The following CNBD1 variants were observed in gnomAD, a reference collection of about 807,000 sequenced individuals.
CNBD1 encodes cyclic nucleotide-binding domain-containing protein 1.
In CNBD1, 71 loss-of-function variants were observed where a neutral mutation model predicts 54.4. That is an observed-to-expected ratio of 1.30 (90% confidence interval 1.08 to 1.59). The LOEUF (loss-of-function observed/expected upper bound fraction) is 1.59. CNBD1 is among the 40% of genes most tolerant of loss of function. The pLI, the probability that CNBD1 is intolerant of heterozygous loss-of-function variation, is 0.00. For missense variants in CNBD1, 659 were observed against 518.0 expected, an observed-to-expected ratio of 1.27 and a Z score of -2.64; for synonymous variants, 182 against 170.7, an observed-to-expected ratio of 1.07 and a Z score of -0.51.
In CNBD1 at chr8:87,092,350, T is replaced by C. The variant is rs569326303; in HGVS notation, c.432-113643T>C. 2.0e-5 allele frequency among the ~76,000 whole-genome samples: 3 copies of C among 151,094 alleles called. No individual in the cohort carries two copies. The East Asian group carries it at 5.8e-4, about 29-fold the overall frequency. ...GATTCCATAATACTGGCTCAGTGTG[T>C]GTGTGTGTGTGTGTGTGTATGTATG... is the stretch of plus-strand genomic sequence containing the variant. On this transcript the variant is annotated intron_variant, in intron 4 of 10. Transcript: ENST00000518476.
intron 2 of CNBD1, among the ~76,000 whole-genome samples, chr8:87,425,922 C>G: frequency 1.3e-5 from 2 of 152,090 alleles, no homozygotes; most frequent in Non-Finnish European, 2.9e-5. Context: ...CCCAGCCTCA[C>G]TGCTGCCTTG....
intron 4 of CNBD1, among the ~76,000 whole-genome samples, chr8:87,176,584 A>G (rs1813202242): frequency 6.6e-6 from 1 of 150,610 alleles, no homozygotes; most frequent in Admixed American, 6.6e-5. Flanking sequence ...TCCCGGGTTC[A>G]AGCAATTCTG....
chr8:86,936,523 G>A (rs1376909292), intron 3 of CNBD1, among the ~76,000 whole-genome samples: 2 of 152,058 alleles, frequency 1.3e-5, no homozygotes, highest in Non-Finnish European at 2.9e-5. Flanking sequence ...GGTGGATCAC[G>A]AGGTCAGGAG....
chr8:86,984,171 G>C (rs1398236794), intron 4 of CNBD1, among the ~76,000 whole-genome samples: 1 of 152,168 alleles, frequency 6.6e-6, no homozygotes, highest in Middle Eastern at 3.2e-3. Flanking sequence ...TGGCTTCAGA[G>C]GGTAAAAGCC....
chr8:86,871,563 C>T (rs981722196), intron 1 of CNBD1, among the ~76,000 whole-genome samples: 1 of 152,208 alleles, frequency 6.6e-6, no homozygotes, highest in Non-Finnish European at 1.5e-5. Context: ...TAAAATCTGT[C>T]TCTTGTGTTC....
chr8:87,141,767 A>G (rs1812374805), intron 4 of CNBD1, among the ~76,000 whole-genome samples: 1 of 152,098 alleles, frequency 6.6e-6, no homozygotes, highest in Non-Finnish European at 1.5e-5. Flanking sequence ...CTATAGGAGC[A>G]CTCATAAAAG....
At chr8:87,053,509 C>T (rs767751984) in intron 4 of CNBD1, among the ~76,000 whole-genome samples, 7 of 152,266 alleles carry the variant, frequency 4.6e-5, no homozygotes, top group East Asian at 1.9e-4. Flanking sequence ...TGGAGTGACC[C>T]AGCATGGAGA....
chr8:87,366,539 C>G (rs534010868), intron 10 of CNBD1, among the ~76,000 whole-genome samples: 1 of 152,066 alleles, frequency 6.6e-6, no homozygotes, highest in African/African-American at 2.4e-5. Flanking sequence ...CTAGGCCCAC[C>G]CAGATAACCT....
intron 8 of CNBD1, among the ~76,000 whole-genome samples, chr8:87,337,793 G>C (rs1809978691): frequency 1.3e-5 from 2 of 152,302 alleles, no homozygotes; most frequent in East Asian, 3.9e-4. Flanking sequence ...GATCATGCCA[G>C]CCACCTAGTC....
intron 5 of CNBD1, among the ~76,000 whole-genome samples, chr8:87,233,250 A>G (rs1356993486): frequency 6.6e-6 from 1 of 152,166 alleles, no homozygotes; most frequent in Non-Finnish European, 1.5e-5. Flanking sequence ...CACTGGGACT[A>G]AAAATCAGTC....
In CNBD1 at chr8:87,179,251, A is replaced by AT. The variant is rs374293810; in HGVS notation, c.432-26737dup. Among the ~76,000 whole-genome samples the AT allele has an allele frequency of 5.0e-3, 759 of 152,334 alleles. 10 individuals are homozygous for AT. The highest frequency in any genetic ancestry group is 0.017 in the African/African-American group (704 of 41,572). The stretch of plus-strand genomic sequence containing the variant: ...AATATGCAGGAAACTTCGAAGAAAC[A>AT]TTTTTATCATATTTGGAGTTAATTG... On this transcript the variant is annotated intron_variant, in intron 4 of 10. Coordinates refer to ENST00000518476, the MANE Select transcript of CNBD1 (RefSeq NM_173538.3).
intron 4 of CNBD1, among the ~76,000 whole-genome samples, chr8:87,091,421 T>A (rs1019655468): frequency 2.6e-5 from 4 of 152,188 alleles, no homozygotes; most frequent in Non-Finnish European, 5.9e-5. Flanking sequence ...TGAGAATCAG[T>A]CATCTGGTTA....
chr8:87,019,376 C>G (rs988189595), intron 4 of CNBD1, among the ~76,000 whole-genome samples: 6 of 152,180 alleles, frequency 3.9e-5, no homozygotes, highest in Non-Finnish European at 7.3e-5. Context: ...AAAAATGACA[C>G]TGTAGATTTA....
intron 8 of CNBD1, among the ~76,000 whole-genome samples, chr8:87,343,499 C>T (rs536763800): frequency 6.6e-5 from 10 of 152,260 alleles, no homozygotes; most frequent in East Asian, 5.8e-4. Flanking sequence ...TCCCTCCATT[C>T]GGGGTCCCTG....
At chr8:87,128,853 G>A (rs1812054215) in intron 4 of CNBD1, among the ~76,000 whole-genome samples, 1 of 150,530 alleles carries the variant, frequency 6.6e-6, no homozygotes, top group African/African-American at 2.5e-5. Flanking sequence ...GGAGGCTGAG[G>A]TGGGTGGATC....
At chr8:87,034,720 T>A (rs1809870906) in intron 4 of CNBD1, among the ~76,000 whole-genome samples, 1 of 152,206 alleles carries the variant, frequency 6.6e-6, no homozygotes, top group Admixed American at 6.5e-5. Flanking sequence ...TAAATTTTTT[T>A]ATGTTCCTAG....
chr8:86,890,141 A>G (rs1204582802), intron 2 of CNBD1, among the ~76,000 whole-genome samples: 1 of 152,098 alleles, frequency 6.6e-6, no homozygotes, highest in Non-Finnish European at 1.5e-5. Context: ...TATATAAACA[A>G]TACATTTTTA....
In CNBD1 at chr8:87,194,835, C is replaced by A. The variant is rs180838590; in HGVS notation, c.432-11158C>A. ...CATATGTATGTATGTGCATTTGCAA[C>A]ATGATTTGTTCTTCATGTAGTGTCT... On this transcript the variant is annotated intron_variant, in intron 4 of 10. Coordinates refer to ENST00000518476, the MANE Select transcript of CNBD1 (RefSeq NM_173538.3). Among the ~76,000 whole-genome samples the A allele has an allele frequency of 5.9e-5, 9 of 151,788 alleles. No homozygotes were observed. The East Asian group carries it at 1.7e-3, about 29-fold the overall frequency.
intron 4 of CNBD1, among the ~76,000 whole-genome samples, chr8:87,092,997 A>G (rs1563465924): frequency 6.6e-6 from 1 of 152,182 alleles, no homozygotes; most frequent in Non-Finnish European, 1.5e-5. Context: ...CTTCCAATTC[A>G]TCACTAAGTC....
Sources: allele counts gnomAD v4.1 joint callset (sites outside exome capture counted in the v4.1 genomes callset), GRCh38; gene constraint gnomAD v4.1.1; transcripts MANE v1.5; gene names NCBI Gene and HGNC (gene_info 2026-07-23, HGNC 2026-07-21).